Variants in MYO7B observed in about 807,000 individuals in gnomAD.
MYO7B encodes the protein unconventional myosin-VIIb.
A neutral mutation model predicts 259.7 loss-of-function variants in MYO7B; 212 were observed. The observed-to-expected ratio is 0.82, with a 90% CI of 0.73 to 0.91. The LOEUF is 0.91. MYO7B is among the 40% of genes least tolerant of loss of function. The pLI is 0.00. For synonymous variants in MYO7B, 1,197 were observed against 1,166.4 expected, an observed-to-expected ratio of 1.03 and a Z score of -0.54; for missense variants, 2,732 against 2,813.5, an observed-to-expected ratio of 0.97 and a Z score of 0.66.
At position 127,625,542 on chromosome 2, in the gene MYO7B, C is replaced by G. The variant is rs1488539597; in HGVS notation, c.4215+7C>G. 1 of 1,590,606 alleles carries G rather than the reference C, an allele frequency of 6.3e-7. No homozygotes were observed. Among genetic ancestry groups the G allele is most frequent in the Non-Finnish European group, 8.6e-7 (1 of 1,167,204 alleles). ...CACTGCCGCCTGCGCCAAGGTCAGC[C>G]TGCATGCAGCTCAGGCACCCACCCG... On this transcript the variant is annotated splice_region_variant and intron_variant, in intron 31 of 47. Transcript: ENST00000409816.
intron 2 of MYO7B, among the ~76,000 whole-genome samples, chr2:127,563,093 T>C (rs1678175219): frequency 6.6e-6 from 1 of 152,212 alleles, no homozygotes; most frequent in African/African-American, 2.4e-5. Flanking sequence ...CCAACTCATG[T>C]CTCATCCTTT....
Position 127,614,855 on chromosome 2 carries a change from C to T in MYO7B, c.3398+2252C>T, listed in dbSNP as rs558508482. Among the ~76,000 whole-genome samples, 24 of 152,316 alleles carry T rather than the reference C, an allele frequency of 1.6e-4. No homozygotes were observed. The South Asian group carries it at 5.0e-3, about 32-fold the overall frequency. On this transcript the variant is annotated intron_variant, in intron 26 of 47. Coordinates refer to ENST00000409816, the MANE Select transcript of MYO7B (RefSeq NM_001393586.1). This position sits in a 1 kb window ranked among gnomAD's most constrained non-coding sequence, Gnocchi z 4.6. ...TTCTGCCACCTTTTAGTAAATCCTA[C>T]AAGAATGTGTCTCTTTAGAACGTCG...
intron 9 of MYO7B, 116 bp from the exon 10 acceptor site, chr2:127,580,630 C>A: frequency 9.9e-7 from 1 of 1,009,136 alleles, no homozygotes; most frequent in East Asian, 2.6e-5. Context: ...TGGCTTACGC[C>A]AGGGCAGCTG....
rs146807651 is a variant in MYO7B at position 127,633,360 on chromosome 2, T to C, written c.5508T>C (p.Ser1836=). The C allele has an allele frequency of 5.0e-4, 803 of 1,612,502 alleles. 5 individuals are homozygous for C. In the African/African-American group the frequency reaches 8.7e-3, roughly 17 times the overall value. ...AGATCTACTTCCCCAATGACACCAG[T>C]GAGGTGAGGCCCTGCTCTGGTCTGC... ...CHKIYFPNDT[S]EMLEVVANTR... is the part of the protein sequence containing the mutation. Residue 1836 remains serine, a synonymous_variant, in exon 40 of 48, where the codon AGT becomes AGC. Coordinates refer to ENST00000409816, the MANE Select transcript of MYO7B (RefSeq NM_001393586.1).
At chr2:127,632,875 T>C (rs1423694782) in intron 39 of MYO7B, among the ~76,000 whole-genome samples, 1 of 152,184 alleles carries the variant, frequency 6.6e-6, no homozygotes, top group Non-Finnish European at 1.5e-5. Context: ...GTGGCCATAA[T>C]TTCAGTGGCA....
At chr2:127,560,243 C>T (rs1287746590) in intron 2 of MYO7B, among the ~76,000 whole-genome samples, 2 of 152,022 alleles carry the variant, frequency 1.3e-5, no homozygotes, top group African/African-American at 4.8e-5. Flanking sequence ...CCAGGCTGGT[C>T]TCGAATTCCT....
intron 16 of MYO7B, among the ~76,000 whole-genome samples, chr2:127,591,886 G>A (rs1013655033): frequency 1.3e-5 from 2 of 152,158 alleles, no homozygotes; most frequent in Non-Finnish European, 2.9e-5. Flanking sequence ...AGCTCCCTGG[G>A]GCCAAAGGCC....
Position 127,628,630 on chromosome 2 carries a change from C to A in MYO7B, c.4624+95C>A. The A allele has an allele frequency of 1.5e-6, 2 of 1,310,614 alleles. No homozygotes were observed. Among genetic ancestry groups the A allele is most frequent in the East Asian group, 2.5e-5 (1 of 39,530 alleles). 81.2% of individuals were successfully genotyped at this position (1,310,614 alleles called of 1,614,324 possible). A position where few individuals can be genotyped will look rare whatever the true frequency, so the allele number is the denominator to read the frequency against. On this transcript the variant is annotated intron_variant, in intron 34 of 47. Transcript: ENST00000409816. This position sits in a 1 kb window ranked among gnomAD's most constrained non-coding sequence, Gnocchi z 4.8. ...AGGTGGCATGCTCATCTCCACACAGCAGCCACAAGGCAAGCAGAGGGAGGG... is the reference window on the plus strand; with the variant it reads ...AGGTGGCATGCTCATCTCCACACAGAAGCCACAAGGCAAGCAGAGGGAGGG...
intron 10 of MYO7B, among the ~76,000 whole-genome samples, chr2:127,581,429 C>T (rs1338329412): frequency 2.6e-5 from 4 of 152,236 alleles, no homozygotes; most frequent in South Asian, 4.1e-4. Flanking sequence ...GAAATAAATA[C>T]ATAAAGCAAG....
intron 39 of MYO7B, among the ~76,000 whole-genome samples, chr2:127,633,034 G>A (rs963271908): frequency 5.9e-5 from 9 of 152,330 alleles, no homozygotes; most frequent in Admixed American, 6.5e-5. Flanking sequence ...GCCCTTCCCC[G>A]TGTGTGCCCC....
At chr2:127,572,588 C>A (rs546343848) in intron 6 of MYO7B, among the ~76,000 whole-genome samples, 1 of 148,018 alleles carries the variant, frequency 6.8e-6, no homozygotes, top group Non-Finnish European at 1.5e-5. Context: ...CTCCTTCCTT[C>A]CTTTCTTTTT....
Position 127,577,324 on chromosome 2 carries a change from A to G in MYO7B, c.849+616A>G, listed in dbSNP as rs1244857967. 1.3e-5 allele frequency among the ~76,000 whole-genome samples: 2 copies of G among 152,086 alleles called. No homozygotes were observed. Among genetic ancestry groups the G allele is most frequent in the African/African-American group, 2.4e-5 (1 of 41,406 alleles). ...CTTCACCAGCCCCTGCCTAGACTTC[A>G]TGGGTCCCCCATCGCCAGTCTTGAC... On this transcript the variant is annotated intron_variant, in intron 8 of 47. Transcript: ENST00000409816. The surrounding 1 kb of genome is among the most constrained non-coding windows in gnomAD (Gnocchi z 5.2).
rs542130438 is a variant in MYO7B at position 127,569,917 on chromosome 2, A to C, written c.592+7A>C. The C allele has an allele frequency of 4.9e-4, 790 of 1,610,262 alleles. 11 individuals carry two copies. In the South Asian group the frequency reaches 7.7e-3, roughly 16 times the overall value. On this transcript the variant is annotated splice_region_variant and intron_variant, in intron 6 of 47. Transcript: ENST00000409816. ...GCCAACCCCATCCTGGAGGGTAAGCATCACTCTGGGACCCGCCCTTCTCCC... is the reference window on the plus strand; with the variant it reads ...GCCAACCCCATCCTGGAGGGTAAGCCTCACTCTGGGACCCGCCCTTCTCCC...
intron 6 of MYO7B, among the ~76,000 whole-genome samples, chr2:127,571,442 G>GTTTTTTTTTTTTGTTTTT (rs1553448473): frequency 9.8e-4 from 41 of 41,942 alleles, no homozygotes; most frequent in Non-Finnish European, 1.5e-3. Flanking sequence ...TTACCAGTGA[G>GTTTTTTTTTTTTGTTTTT]TTTTTTTTTT....
intron 31 of MYO7B, 137 bp downstream of exon 31, chr2:127,625,672 T>G: frequency 6.0e-6 from 6 of 996,168 alleles, no homozygotes; most frequent in Non-Finnish European, 8.3e-6. Flanking sequence ...AGCTTGACAG[T>G]TAAGTAGAGC....
At position 127,637,541 on chromosome 2, in the gene MYO7B, A is replaced by C; in HGVS notation, c.*124A>C. 4.2e-6 allele frequency: 3 copies of C among 707,910 alleles called. No individual in the cohort carries two copies. The highest frequency in any genetic ancestry group is 6.7e-6 in the Non-Finnish European group (3 of 447,406). The allele number at this position is 707,910 out of a possible 1,614,324, so 43.9% of individuals were successfully genotyped here. A position where few individuals can be genotyped will look rare whatever the true frequency, so the allele number is the denominator to read the frequency against. On this transcript the variant is annotated 3_prime_UTR_variant, in exon 48 of 48. Transcript: ENST00000409816. ...AGCCTTCCATGCTGCCCCCCATACAAAGCCCACTCAGCCCCGCAGGCGGCC... is the reference window on the plus strand; with the variant it reads ...AGCCTTCCATGCTGCCCCCCATACACAGCCCACTCAGCCCCGCAGGCGGCC...
At chr2:127,633,731 T>C (rs908592187) in intron 40 of MYO7B, among the ~76,000 whole-genome samples, 2 of 152,104 alleles carry the variant, frequency 1.3e-5, no homozygotes, top group African/African-American at 2.4e-5. Context: ...CTGCCATGGC[T>C]GCTGGGGGAA....
Position 127,574,065 on chromosome 2 carries a change from G to A in MYO7B, c.735+3G>A, listed in dbSNP as rs754866267. 19 of 1,613,898 alleles carry A rather than the reference G, an allele frequency of 1.2e-5. No homozygotes were observed. Among genetic ancestry groups the A allele is most frequent in the Non-Finnish European group, 1.6e-5 (19 of 1,179,870 alleles). On this transcript the variant is annotated splice_donor_region_variant and intron_variant, in intron 7 of 47. Coordinates refer to ENST00000409816, the MANE Select transcript of MYO7B (RefSeq NM_001393586.1). ...AGAAGTCCCGGGTCTGCCGGCAGGT[G>A]AGGCCTCCCCCTTCCCAGGTCGGGA...
Position 127,612,564 on chromosome 2 carries a change from A to T in MYO7B, c.3359A>T (p.His1120Leu). ...CCCATGTCCAACCTGGAGAAGGTGC[A>T]CTTCATCGTGGGCTACGCCATCCTG... ...DRPMSNLEKV[H>L]FIVGYAILRP... is the part of the protein sequence containing the mutation. Residue 1120 changes from histidine to leucine, a missense_variant, in exon 26 of 48, where the codon CAC (histidine) becomes CTC (leucine). Physicochemically the swap from His to Leu is moderately conservative, Grantham distance 99. This residue lies in a region of MYO7B where 1,906 missense variants were observed against 2,026.4 expected (regional missense o/e 0.94). Transcript: ENST00000409816. 6.2e-7 allele frequency: 1 copy of T among 1,605,396 alleles called. No individual in the cohort carries two copies. Among genetic ancestry groups the T allele is most frequent in the South Asian group, 1.1e-5 (1 of 88,956 alleles).
Sources: allele counts gnomAD v4.1 joint callset (sites outside exome capture counted in the v4.1 genomes callset), GRCh38; gene constraint gnomAD v4.1.1; regional missense constraint gnomAD v4.1.1; non-coding constraint Gnocchi (gnomAD v3.1); transcripts MANE v1.5; gene names NCBI Gene and HGNC (gene_info 2026-07-23, HGNC 2026-07-21).